WDR70: variants seen among roughly 807,000 people sequenced by gnomAD.
WDR70 encodes WD repeat-containing protein 70.
A neutral mutation model predicts 88.6 loss-of-function variants in WDR70; 53 were observed. That is an observed-to-expected ratio of 0.60 (90% confidence interval 0.48 to 0.75). The LOEUF is 0.75. WDR70 is among the 30% of genes least tolerant of loss of function. The probability of loss-of-function intolerance (pLI) is 0.00; values close to 1 mark genes in which losing one functional copy is unlikely to be tolerated. For synonymous variants in WDR70, 280 were observed against 270.0 expected, an observed-to-expected ratio of 1.04 and a Z score of -0.36; for missense variants, 610 against 823.2, an observed-to-expected ratio of 0.74 and a Z score of 3.17.
At chr5:37,641,582 A>T (rs967491055) in intron 10 of WDR70, among the ~76,000 whole-genome samples, 1 of 151,462 alleles carries the variant, frequency 6.6e-6, no homozygotes, top group Non-Finnish European at 1.5e-5. Flanking sequence ...ACGCCCTGCT[A>T]ATTTTTGTAT....
At chr5:37,415,347 A>G (rs1356258767) in intron 5 of WDR70, among the ~76,000 whole-genome samples, 2 of 143,722 alleles carry the variant, frequency 1.4e-5, no homozygotes, top group Non-Finnish European at 1.5e-5. Flanking sequence ...CTCACTTCCC[A>G]GTAGGGGCGG....
chr5:37,568,557 A>C (rs1742812309), intron 9 of WDR70, among the ~76,000 whole-genome samples: 1 of 152,192 alleles, frequency 6.6e-6, no homozygotes, highest in Non-Finnish European at 1.5e-5. Context: ...TGTAAATCTT[A>C]ACCTTTGTTC....
At chr5:37,390,868 T>A (rs936829607) in intron 3 of WDR70, among the ~76,000 whole-genome samples, 1 of 151,890 alleles carries the variant, frequency 6.6e-6, no homozygotes, top group African/African-American at 2.4e-5. Context: ...AGGCATGCGC[T>A]ACCACGCCTG....
chr5:37,736,189 G>C (rs1748301073), intron 17 of WDR70, among the ~76,000 whole-genome samples: 1 of 152,168 alleles, frequency 6.6e-6, no homozygotes, highest in African/African-American at 2.4e-5. Context: ...ATGTGTGTGG[G>C]AGCCTGGACC....
intron 10 of WDR70, among the ~76,000 whole-genome samples, chr5:37,659,179 T>G (rs1289318375): frequency 6.6e-6 from 1 of 152,230 alleles, no homozygotes; most frequent in African/African-American, 2.4e-5. Context: ...CCCAGTGGCA[T>G]ATACTATATA....
chr5:37,441,364 ATTAT>A (rs1450043010), intron 6 of WDR70, among the ~76,000 whole-genome samples: 1 of 152,120 alleles, frequency 6.6e-6, no homozygotes, highest in Non-Finnish European at 1.5e-5. Context: ...CATAAGTATT[ATTAT>A]TTATGTATGA....
At position 37,635,889 on chromosome 5, in the gene WDR70, A is replaced by C. The variant is rs187531624; in HGVS notation, c.1092+30651A>C. Among the ~76,000 whole-genome samples the C allele has an allele frequency of 3.3e-3, 497 of 152,158 alleles. 1 individual carries two copies. The highest frequency in any genetic ancestry group is 0.011 in the African/African-American group (468 of 41,504). On this transcript the variant is annotated intron_variant, in intron 10 of 17. Transcript: ENST00000265107. ...CATGCTGTTCCTGTGATAGTGAGTG[A>C]ATTTTCACGAGATCTGATGGTTTTA... is the stretch of plus-strand genomic sequence containing the variant.
chr5:37,557,959 T>TTTGAAAACTCTTCA, intron 9 of WDR70, among the ~76,000 whole-genome samples: 554 of 145,984 alleles, frequency 3.8e-3, no homozygotes, highest in African/African-American at 4.1e-3. Flanking sequence ...AAAAGAGTAT[T>TTTGAAAACTCTTCA]ATGTATATTT....
intron 17 of WDR70, among the ~76,000 whole-genome samples, chr5:37,737,149 T>C (rs1025745024): frequency 6.6e-5 from 10 of 152,184 alleles, no homozygotes; most frequent in Admixed American, 4.6e-4. Context: ...GATACTTTTA[T>C]TTTACTTATA....
At chr5:37,416,994 G>A (rs182156117) in intron 5 of WDR70, among the ~76,000 whole-genome samples, 65 of 152,258 alleles carry the variant, frequency 4.3e-4, no homozygotes, top group Middle Eastern at 6.8e-3. Flanking sequence ...GTAAGCTTTT[G>A]TATCCTCTCA....
chr5:37,739,692 C>T (rs1420992035), intron 17 of WDR70, among the ~76,000 whole-genome samples: 1 of 152,050 alleles, frequency 6.6e-6, no homozygotes, highest in Non-Finnish European at 1.5e-5. Flanking sequence ...ATGTGCAGAA[C>T]ATACAGGTTT....
At chr5:37,384,660 CAAAAAAAAAAAA>C (rs70978807) in intron 3 of WDR70, among the ~76,000 whole-genome samples, 102 of 59,468 alleles carry the variant, frequency 1.7e-3, no homozygotes, top group Admixed American at 9.7e-3. Flanking sequence ...ACTCTTGTCT[CAAAAAAAAAAAA>C]AAAAAAAAAA....
chr5:37,699,356 ACACAGTGTGTGT>A (rs1747076878), intron 11 of WDR70, among the ~76,000 whole-genome samples: 1 of 143,632 alleles, frequency 7.0e-6, no homozygotes, highest in Non-Finnish European at 1.5e-5. Flanking sequence ...ACACACACAC[ACACAGTGTGTGT>A]GTGTGTATAT....
chr5:37,531,273 G>C (rs1741474450), intron 9 of WDR70, among the ~76,000 whole-genome samples: 1 of 152,050 alleles, frequency 6.6e-6, no homozygotes, highest in Non-Finnish European at 1.5e-5. Context: ...TGCAGTTGTT[G>C]GGTAGAATGT....
At chr5:37,456,799 A>G (rs1358936106) in intron 7 of WDR70, among the ~76,000 whole-genome samples, 1 of 152,258 alleles carries the variant, frequency 6.6e-6, no homozygotes, top group Non-Finnish European at 1.5e-5. Context: ...TGTAACACAC[A>G]TTGAAAGCAA....
At chr5:37,538,412 T>C (rs1741726242) in intron 9 of WDR70, among the ~76,000 whole-genome samples, 1 of 152,204 alleles carries the variant, frequency 6.6e-6, no homozygotes, top group South Asian at 2.1e-4. Flanking sequence ...TTGCTAGTAT[T>C]GTAGTGGCTG....
Position 37,697,771 on chromosome 5 carries a change from CT to C in WDR70, c.1192+22del, listed in dbSNP as rs1338534219. On this transcript the variant is annotated intron_variant, in intron 11 of 17. Coordinates refer to ENST00000265107, the MANE Select transcript of WDR70 (RefSeq NM_018034.4). ...CTCGTGGAGGTAGGTTAAAAGCTTT[CT>C]TTTTGATGTATTTCTCTATATAAAA... The C allele has an allele frequency of 3.2e-6, 5 of 1,575,684 alleles. No homozygotes were observed. The highest frequency in any genetic ancestry group is 4.4e-6 in the Non-Finnish European group (5 of 1,145,892).
rs1028432362 is a variant in WDR70 at position 37,612,923 on chromosome 5, C to T, written c.1092+7685C>T. Among the ~76,000 whole-genome samples the T allele has an allele frequency of 2.0e-5, 3 of 152,142 alleles. No homozygotes were observed. In the South Asian group the frequency reaches 6.2e-4, roughly 32 times the overall value. ...TGCCTATTTTCAATGGTTACATTTC[C>T]AAAAAAGTATATCATTGATTCAAAA... On this transcript the variant is annotated intron_variant, in intron 10 of 17. Transcript: ENST00000265107.
intron 10 of WDR70, among the ~76,000 whole-genome samples, chr5:37,683,350 A>G (rs1029341691): frequency 5.9e-5 from 9 of 152,154 alleles, no homozygotes; most frequent in African/African-American, 2.2e-4. Context: ...TACATTCAAG[A>G]TTAGTATCAA....
Sources: allele counts gnomAD v4.1 joint callset (sites outside exome capture counted in the v4.1 genomes callset), GRCh38; gene constraint gnomAD v4.1.1; transcripts MANE v1.5; gene names NCBI Gene and HGNC (gene_info 2026-07-23, HGNC 2026-07-21).